Variants in SAMMSON observed in about 807,000 individuals in gnomAD.
The protein encoded by SAMMSON is long intergenic non-protein coding RNA 1212.
rs188553104 is a variant in SAMMSON, at chr3:70,213,221, C to T, written n.508-35886C>T. On this transcript the variant is annotated intron_variant and non_coding_transcript_variant, in intron 4 of 9. Transcript: ENST00000642114. The stretch of plus-strand genomic sequence containing the variant: ...CTCCTGGGCTCAAGTGATCCTTTCA[C>T]CTCAGCCTCCTGAGTAGATCTTTTT... Among the ~76,000 whole-genome samples, 3 of 152,210 alleles carry T rather than the reference C, an allele frequency of 2.0e-5. No homozygotes were observed. In the East Asian group the frequency reaches 5.8e-4, roughly 30 times the overall value.
At chr3:70,306,111 A>G (rs1354096427) in intron 7 of SAMMSON, among the ~76,000 whole-genome samples, 1 of 152,106 alleles carries the variant, frequency 6.6e-6, no homozygotes, top group African/African-American at 2.4e-5. Flanking sequence ...TTATTTATTT[A>G]TTTATTTATT....
At chr3:70,122,729 A>T (rs377305011) in intron 4 of SAMMSON, among the ~76,000 whole-genome samples, 9 of 152,358 alleles carry the variant, frequency 5.9e-5, no homozygotes, top group Admixed American at 5.9e-4. Context: ...AGAATAGATA[A>T]CTTTTGAAAG....
At chr3:70,179,362 G>A (rs1246154722) in intron 4 of SAMMSON, among the ~76,000 whole-genome samples, 3 of 152,164 alleles carry the variant, frequency 2.0e-5, no homozygotes, top group Admixed American at 2.0e-4. Flanking sequence ...TTTGTTGAAT[G>A]CGTGTTAGGT....
rs76957583 is a variant in SAMMSON at position 70,415,438 on chromosome 3, C to T, written n.234-47122C>T. ...GCTCTGACACCGTTGTACTTAATGTCGGTGCCAACCTGATTGTTTGATGTT... is the reference window on the plus strand; with the variant it reads ...GCTCTGACACCGTTGTACTTAATGTTGGTGCCAACCTGATTGTTTGATGTT... On this transcript the variant is annotated intron_variant and non_coding_transcript_variant, in intron 2 of 3. Coordinates refer to the SAMMSON transcript ENST00000641053. 4.4e-3 allele frequency among the ~76,000 whole-genome samples: 664 copies of T among 152,210 alleles called. 4 individuals carry two copies. Among genetic ancestry groups the T allele is most frequent in the African/African-American group, 0.014 (586 of 41,546 alleles).
chr3:70,223,687 C>T (rs1286137705), intron 4 of SAMMSON, among the ~76,000 whole-genome samples: 2 of 152,034 alleles, frequency 1.3e-5, no homozygotes, highest in Non-Finnish European at 2.9e-5. Context: ...TTTCTTTTCC[C>T]AAGTTATTTC....
intron 7 of SAMMSON, chr3:70,291,847 T>A (rs2106693718): frequency 6.6e-6 from 1 of 152,366 alleles, no homozygotes; most frequent in East Asian, 1.9e-4. Context: ...TGTCTGGTGA[T>A]CTTATCTTCG....
At position 70,173,009 on chromosome 3, in the gene SAMMSON, G is replaced by A. The variant is rs180892739; in HGVS notation, n.508-76098G>A. ...TACTCTTAATCGTTTGCTTCATAGCGTTCTCATGTTAGTTCTTTCCTACTG... is the reference window on the plus strand; with the variant it reads ...TACTCTTAATCGTTTGCTTCATAGCATTCTCATGTTAGTTCTTTCCTACTG... On this transcript the variant is annotated intron_variant and non_coding_transcript_variant, in intron 4 of 9. Coordinates refer to ENST00000642114, the Ensembl canonical transcript of SAMMSON. 2.6e-4 allele frequency: 39 copies of A among 151,860 alleles called. 1 individual carries two copies. Among genetic ancestry groups the A allele is most frequent in the Admixed American group, 2.4e-3 (36 of 15,220 alleles). 9.4% of individuals were successfully genotyped at this position (151,860 alleles called of 1,614,324 possible). A position where few individuals can be genotyped will look rare whatever the true frequency, so the allele number is the denominator to read the frequency against.
chr3:70,317,750 A>T (rs1193136326), intron 7 of SAMMSON, among the ~76,000 whole-genome samples: 2 of 151,766 alleles, frequency 1.3e-5, no homozygotes, highest in South Asian at 2.1e-4. Context: ...GGTTTTCTTC[A>T]TTACATCTAG....
At chr3:70,270,415 T>C (rs1325200643) in intron 6 of SAMMSON, among the ~76,000 whole-genome samples, 6 of 152,160 alleles carry the variant, frequency 3.9e-5, no homozygotes, top group African/African-American at 1.4e-4. Context: ...CAAACACATA[T>C]AAATACAAGA....
intron 6 of SAMMSON, among the ~76,000 whole-genome samples, chr3:70,285,827 C>A (rs747272587): frequency 6.6e-6 from 1 of 152,284 alleles, no homozygotes; most frequent in South Asian, 2.1e-4. Flanking sequence ...AGCATTTAAT[C>A]ATGTGTTTTT....
chr3:70,431,974 T>C (rs978689763), intron 2 of SAMMSON, among the ~76,000 whole-genome samples: 1 of 151,936 alleles, frequency 6.6e-6, no homozygotes, highest in African/African-American at 2.4e-5. Flanking sequence ...TATTAACAAA[T>C]TGAGCATATT....
intron 6 of SAMMSON, among the ~76,000 whole-genome samples, chr3:70,267,561 C>G (rs1475436560): frequency 1.4e-5 from 2 of 146,996 alleles, no homozygotes; most frequent in Non-Finnish European, 3.0e-5. Context: ...CGCCACCATG[C>G]CCGGCTAATT....
intron 6 of SAMMSON, among the ~76,000 whole-genome samples, chr3:70,268,821 C>T (rs1701948019): frequency 6.6e-6 from 1 of 152,116 alleles, no homozygotes; most frequent in Non-Finnish European, 1.5e-5. Context: ...ACAAAACAAA[C>T]TATTCTTACT....
At chr3:70,109,420 A>C (rs996620694) in intron 4 of SAMMSON, among the ~76,000 whole-genome samples, 14 of 152,152 alleles carry the variant, frequency 9.2e-5, no homozygotes, top group South Asian at 4.1e-4. Context: ...TGAGTTCTGC[A>C]TGCTAAAGTT....
intron 6 of SAMMSON, among the ~76,000 whole-genome samples, chr3:70,266,175 A>G (rs934774858): frequency 6.6e-6 from 1 of 152,178 alleles, no homozygotes; most frequent in African/African-American, 2.4e-5. Context: ...TTTATTAAAA[A>G]TATTTACAAA....
intron 7 of SAMMSON, among the ~76,000 whole-genome samples, chr3:70,323,582 C>G (rs1220204637): frequency 6.6e-6 from 1 of 152,144 alleles, no homozygotes; most frequent in Non-Finnish European, 1.5e-5. Flanking sequence ...CAAGGCTGAA[C>G]TGTTTCCTAG....
At chr3:70,279,054 C>A (rs748897133) in intron 6 of SAMMSON, among the ~76,000 whole-genome samples, 5 of 149,872 alleles carry the variant, frequency 3.3e-5, no homozygotes, top group Non-Finnish European at 7.4e-5. Context: ...AAGCTTTCTC[C>A]CTTTCCTAAC....
chr3:70,252,685 A>T (rs762061556), intron 6 of SAMMSON, among the ~76,000 whole-genome samples: 1 of 152,094 alleles, frequency 6.6e-6, no homozygotes. Context: ...GTATTGCCCT[A>T]TGTTTATTTA....
chr3:70,202,454 C>T (rs901765353), intron 4 of SAMMSON, among the ~76,000 whole-genome samples: 2 of 152,114 alleles, frequency 1.3e-5, no homozygotes, highest in Non-Finnish European at 2.9e-5. Context: ...GAGTAGCTTA[C>T]TGTTCACTGT....
Sources: gnomAD v4.1 joint callset for allele counts (sites outside exome capture counted in the v4.1 genomes callset) on GRCh38, gnomAD v4.1.1 for gene constraint, MANE v1.5 for transcripts, NCBI Gene and HGNC (gene_info 2026-07-23, HGNC 2026-07-21) for gene names.